Variants in WWP1 observed in about 807,000 individuals in gnomAD.
WWP1 encodes NEDD4-like E3 ubiquitin-protein ligase WWP1.
Under a neutral mutation model 130.6 loss-of-function variants are expected in WWP1, and 49 were observed. That is an observed-to-expected ratio of 0.38 (90% CI 0.30 to 0.48). The LOEUF (loss-of-function observed/expected upper bound fraction) is 0.48, where lower values mean the gene tolerates loss of function less well. WWP1 is among the 20% of genes least tolerant of loss of function. The probability of loss-of-function intolerance (pLI) is 0.99; values close to 1 mark genes in which losing one functional copy is unlikely to be tolerated. For synonymous variants in WWP1, 332 were observed against 367.8 expected (o/e 0.90, Z 1.11); for missense variants, 809 against 1,100.6 (o/e 0.74, Z 3.75).
chr8:86,429,787 T>G (rs1442736031), intron 11 of WWP1, among the ~76,000 whole-genome samples: 1 of 152,192 alleles, frequency 6.6e-6, no homozygotes, highest in Non-Finnish European at 1.5e-5. Context: ...CTCTATAGAT[T>G]AGTATGGAAG....
chr8:86,374,868 C>A (rs1041408309), intron 3 of WWP1, among the ~76,000 whole-genome samples: 2 of 151,962 alleles, frequency 1.3e-5, no homozygotes, highest in Non-Finnish European at 2.9e-5. Context: ...CAACACCTTG[C>A]CTGGCTAATT....
rs1812227624 is a variant in WWP1, at chr8:86,467,288, T to C, written c.*395T>C. ...TATTATCTAGGGGAAAAAGTGCAAA[T>C]TGCTCCATGTTCTTCTCTCCCTTAT... is the stretch of plus-strand genomic sequence containing the variant. On this transcript the variant is annotated 3_prime_UTR_variant, in exon 25 of 25. Coordinates refer to ENST00000517970, the MANE Select transcript of WWP1 (RefSeq NM_007013.4). 1 of 158,796 alleles carries C rather than the reference T, an allele frequency of 6.3e-6. No homozygotes were observed. The highest frequency in any genetic ancestry group is 1.4e-5 in the Non-Finnish European group (1 of 72,740). The allele number at this position is 158,796 out of a possible 1,614,324, so 9.8% of individuals were successfully genotyped here. A position where few individuals can be genotyped will look rare whatever the true frequency, so the allele number is the denominator to read the frequency against.
intron 1 of WWP1, among the ~76,000 whole-genome samples, chr8:86,367,990 G>T (rs549800765): frequency 2.7e-4 from 41 of 152,110 alleles, no homozygotes; most frequent in Admixed American, 9.8e-4. Flanking sequence ...TCTTCTCCAT[G>T]GACCTGTTTC....
At chr8:86,424,208 G>T (rs1448723133) in intron 9 of WWP1, among the ~76,000 whole-genome samples, 41 of 151,584 alleles carry the variant, frequency 2.7e-4, no homozygotes, top group African/African-American at 8.2e-4. Flanking sequence ...TCCCAGACGG[G>T]GCGGCGGGGC....
chr8:86,380,292 C>G (rs1824908933), intron 3 of WWP1, among the ~76,000 whole-genome samples: 1 of 151,736 alleles, frequency 6.6e-6, no homozygotes, highest in African/African-American at 2.4e-5. Context: ...ATGAAATGTC[C>G]AGAATAGGCA....
At chr8:86,389,416 T>G (rs773694927) in intron 5 of WWP1, among the ~76,000 whole-genome samples, 9 of 152,192 alleles carry the variant, frequency 5.9e-5, no homozygotes, top group Non-Finnish European at 1.2e-4. Flanking sequence ...GCACCCCCCT[T>G]AATCCATTTA....
intron 5 of WWP1, among the ~76,000 whole-genome samples, chr8:86,392,177 ATTTGTG>A (rs2130445420): frequency 6.6e-6 from 1 of 152,272 alleles, no homozygotes; most frequent in African/African-American, 2.4e-5. Flanking sequence ...GGAGGAAATC[ATTTGTG>A]CTGAGTTTGC....
intron 1 of WWP1, among the ~76,000 whole-genome samples, chr8:86,366,869 T>A (rs2130257055): frequency 6.6e-6 from 1 of 152,296 alleles, no homozygotes; most frequent in Admixed American, 6.5e-5. Context: ...TATTTCTATG[T>A]AGAAGTAATA....
intron 20 of WWP1, among the ~76,000 whole-genome samples, chr8:86,450,780 C>T (rs72688600): frequency 0.054 from 8,250 of 152,076 alleles, 316 homozygotes; most frequent in Non-Finnish European, 0.086. Context: ...CAAAATAGGC[C>T]ATCAGTGAAT....
At chr8:86,411,903 G>A (rs751387364) in intron 9 of WWP1, 29 bp downstream of exon 9, 82 of 1,549,040 alleles carry the variant, frequency 5.3e-5, no homozygotes, top group Non-Finnish European at 6.7e-5. Context: ...TGTCTGACTT[G>A]CATTTAAGTA....
intron 5 of WWP1, among the ~76,000 whole-genome samples, chr8:86,385,947 C>G (rs944372819): frequency 4.6e-5 from 7 of 152,166 alleles, no homozygotes; most frequent in African/African-American, 1.7e-4. Flanking sequence ...TTGTTATCCA[C>G]AGCAGTTCCT....
chr8:86,438,473 T>C (rs1810415806), intron 16 of WWP1, 112 bp from the exon 17 acceptor site: 1 of 779,406 alleles, frequency 1.3e-6, no homozygotes, highest in East Asian at 2.8e-5. Context: ...AAAAGCATTG[T>C]ATAAGATAAG....
At chr8:86,396,360 A>C (rs1807666170) in intron 5 of WWP1, among the ~76,000 whole-genome samples, 1 of 152,074 alleles carries the variant, frequency 6.6e-6, no homozygotes, top group East Asian at 1.9e-4. Flanking sequence ...CGGCCTCCCA[A>C]AGTGCTGGGA....
At chr8:86,424,616 A>T (rs1290691138) in intron 9 of WWP1, among the ~76,000 whole-genome samples, 1 of 151,820 alleles carries the variant, frequency 6.6e-6, no homozygotes, top group Admixed American at 6.6e-5. Context: ...CAGCCCGGCC[A>T]ACACAGTGAA....
At chr8:86,360,061 C>CA (rs1278998877) in intron 1 of WWP1, among the ~76,000 whole-genome samples, 4 of 145,972 alleles carry the variant, frequency 2.7e-5, no homozygotes, top group Admixed American at 6.8e-5. Flanking sequence ...AAACAAAAAA[C>CA]AAAAAACAAA....
chr8:86,466,227 A>G (rs1224092565), intron 24 of WWP1, among the ~76,000 whole-genome samples: 1 of 152,198 alleles, frequency 6.6e-6, no homozygotes, highest in Non-Finnish European at 1.5e-5. Context: ...TTAATACCAG[A>G]ATGGAATTGA....
Position 86,410,660 on chromosome 8 carries a change from C to CT in WWP1, c.725-870dup, listed in dbSNP as rs199877389. ...ATCAGGTGCATTAGGAAATTCTGAT[C>CT]TTTTTTTTGGGTCTTTTGACCAAAA... On this transcript the variant is annotated intron_variant, in intron 8 of 24. Coordinates refer to ENST00000517970, the MANE Select transcript of WWP1 (RefSeq NM_007013.4). 3.1e-3 allele frequency among the ~76,000 whole-genome samples: 441 copies of CT among 143,758 alleles called. 2 individuals are homozygous for CT. The highest frequency in any genetic ancestry group is 0.011 in the African/African-American group (415 of 39,098). 94.3% of individuals were successfully genotyped at this position (143,758 alleles called of 152,430 possible). A position where few individuals can be genotyped will look rare whatever the true frequency, so the allele number is the denominator to read the frequency against.
At position 86,376,979 on chromosome 8, in the gene WWP1, C is replaced by A. The variant is rs948334098; in HGVS notation, c.70+2859C>A. ...TACTCCTGATTTGTCAGTGAGGACA[C>A]TGAGAATCAGAGGGATTAAGTGCCT... On this transcript the variant is annotated intron_variant, in intron 3 of 24. Transcript: ENST00000517970. Among the ~76,000 whole-genome samples the A allele has an allele frequency of 2.6e-5, 4 of 152,308 alleles. No individual in the cohort carries two copies. In the East Asian group the frequency reaches 7.7e-4, roughly 29 times the overall value.
chr8:86,390,680 C>G (rs1057372291), intron 5 of WWP1, among the ~76,000 whole-genome samples: 1 of 126,662 alleles, frequency 7.9e-6, no homozygotes, highest in African/African-American at 3.0e-5. Context: ...AGAGGGAGAC[C>G]GTGGAAAGTG....
Sources: allele counts gnomAD v4.1 joint callset (sites outside exome capture counted in the v4.1 genomes callset), GRCh38; gene constraint gnomAD v4.1.1; transcripts MANE v1.5; gene names NCBI Gene and HGNC (gene_info 2026-07-23, HGNC 2026-07-21).